TMEFF2: variants seen among roughly 807,000 people sequenced by gnomAD.
TMEFF2 encodes the protein tomoregulin-2.
TMEFF2 carries 28 observed loss-of-function variants against 53.8 expected under a neutral mutation model. The observed-to-expected ratio is 0.52, with a 90% CI of 0.39 to 0.71. The LOEUF is 0.71. Among genes scored for constraint, TMEFF2 ranks in the 30% least tolerant of loss-of-function variants. The pLI, the probability that TMEFF2 is intolerant of heterozygous loss-of-function variation, is 0.00. For synonymous variants in TMEFF2, 162 were observed against 166.3 expected, an observed-to-expected ratio of 0.97 and a Z score of 0.20; for missense variants, 353 against 455.2, an observed-to-expected ratio of 0.78 and a Z score of 2.04.
rs572697091 is a variant in TMEFF2 at position 192,120,884 on chromosome 2, C to T, written c.439+58784G>A. ...CCCGAATAGCTGGACTACAGGTGGGCGTCACCATGCCCAGCTAATTTTTGT... is the reference window on the plus strand; with the variant it reads ...CCCGAATAGCTGGACTACAGGTGGGTGTCACCATGCCCAGCTAATTTTTGT... On this transcript the variant is annotated intron_variant, in intron 4 of 9. Transcript: ENST00000272771. Among the ~76,000 whole-genome samples the T allele has an allele frequency of 3.3e-5, 5 of 152,068 alleles. No individual in the cohort carries two copies. In the East Asian group the frequency reaches 5.8e-4, roughly 18 times the overall value.
intron 7 of TMEFF2, among the ~76,000 whole-genome samples, chr2:191,990,175 A>G (rs1686069395): frequency 6.6e-6 from 1 of 152,186 alleles, no homozygotes; most frequent in Non-Finnish European, 1.5e-5. Flanking sequence ...GTGTTTTCTG[A>G]ATGAACAACT....
At chr2:192,110,091 T>C (rs1054125161) in intron 4 of TMEFF2, among the ~76,000 whole-genome samples, 1 of 152,040 alleles carries the variant, frequency 6.6e-6, no homozygotes, top group Non-Finnish European at 1.5e-5. Flanking sequence ...ATGATGAAGA[T>C]GAGCCAGCAA....
chr2:192,095,281 G>T (rs540295624), intron 4 of TMEFF2, among the ~76,000 whole-genome samples: 1 of 152,266 alleles, frequency 6.6e-6, no homozygotes, highest in South Asian at 2.1e-4. Context: ...TGGGATTACA[G>T]GTGTGAGCTG....
intron 7 of TMEFF2, among the ~76,000 whole-genome samples, chr2:191,972,500 C>T (rs963866795): frequency 6.6e-6 from 1 of 151,482 alleles, no homozygotes; most frequent in Non-Finnish European, 1.5e-5. Flanking sequence ...TGGGTAGTTT[C>T]CAGCACATCT....
At position 191,950,226 on chromosome 2, in the gene TMEFF2, A is replaced by C. The variant is rs920159958; in HGVS notation, c.*85T>G. 1 of 1,581,290 alleles carries C rather than the reference A, an allele frequency of 6.3e-7. No homozygotes were observed. Among genetic ancestry groups the C allele is most frequent in the Non-Finnish European group, 8.6e-7 (1 of 1,164,172 alleles). On this transcript the variant is annotated 3_prime_UTR_variant, in exon 10 of 10. Transcript: ENST00000272771. ...CACAAATGCAAGGCAACATGTGTAG[A>C]TCTCTTGTCTTATTCTTTTGTCTAT... is the stretch of plus-strand genomic sequence containing the variant.
chr2:192,041,938 G>A (rs114096092), intron 5 of TMEFF2, among the ~76,000 whole-genome samples: 2,439 of 152,136 alleles, frequency 0.016, 36 homozygotes, highest in African/African-American at 0.04. Flanking sequence ...GGCCAGGTGC[G>A]GTGGCTCATG....
chr2:191,953,419 A>G (rs1033872029), intron 9 of TMEFF2, among the ~76,000 whole-genome samples: 3 of 152,232 alleles, frequency 2.0e-5, no homozygotes, highest in African/African-American at 7.2e-5. Context: ...TAATCCAGGT[A>G]GATAAGGATA....
chr2:191,954,886 T>TA (rs1267452477), intron 8 of TMEFF2, among the ~76,000 whole-genome samples: 1 of 152,060 alleles, frequency 6.6e-6, no homozygotes, highest in Non-Finnish European at 1.5e-5. Flanking sequence ...AAACAATACT[T>TA]AAAGAGGATC....
chr2:191,954,201 T>C (rs996403415), intron 8 of TMEFF2, among the ~76,000 whole-genome samples: 4 of 152,176 alleles, frequency 2.6e-5, no homozygotes, highest in Non-Finnish European at 5.9e-5. Flanking sequence ...TTCATTTTTA[T>C]AGTTGATTGA....
intron 4 of TMEFF2, among the ~76,000 whole-genome samples, chr2:192,059,533 T>C (rs1165867313): frequency 6.6e-6 from 1 of 152,150 alleles, no homozygotes; most frequent in Non-Finnish European, 1.5e-5. Context: ...GATTAGCAAC[T>C]TCCAGACTAA....
Position 192,069,538 on chromosome 2 carries a change from C to A in TMEFF2, c.440-11763G>T, listed in dbSNP as rs536609381. On this transcript the variant is annotated intron_variant, in intron 4 of 9. Coordinates refer to ENST00000272771, the MANE Select transcript of TMEFF2 (RefSeq NM_016192.4). ...AAAAAAGAAAACAAACCAAAAAAAA[C>A]CCCACAAAATGGTCTAAGAAAGCTG... Among the ~76,000 whole-genome samples the A allele has an allele frequency of 9.9e-5, 15 of 151,482 alleles. No homozygotes were observed. In the East Asian group the frequency reaches 2.3e-3, roughly 24 times the overall value.
At chr2:191,987,730 T>C (rs1230240313) in intron 7 of TMEFF2, among the ~76,000 whole-genome samples, 1 of 152,180 alleles carries the variant, frequency 6.6e-6, no homozygotes, top group Non-Finnish European at 1.5e-5. Context: ...AAGTTCTGCA[T>C]CCTACTCCAA....
rs1351155453 is a variant in TMEFF2, at chr2:192,177,654, A to G, written c.439+2014T>C. 2.0e-5 allele frequency: 3 copies of G among 151,104 alleles called. No individual in the cohort carries two copies. The East Asian group carries it at 5.8e-4, about 29-fold the overall frequency. 9.4% of individuals were successfully genotyped at this position (151,104 alleles called of 1,614,324 possible). ...TTGTTTTTGTTTTCTCCAAGTTACT[A>G]TGAAGCACCTCTAACTGAAAGGAAG... On this transcript the variant is annotated intron_variant, in intron 4 of 9. Coordinates refer to ENST00000272771, the MANE Select transcript of TMEFF2 (RefSeq NM_016192.4).
chr2:192,189,884 T>C (rs144827308), intron 2 of TMEFF2, among the ~76,000 whole-genome samples: 1 of 152,294 alleles, frequency 6.6e-6, no homozygotes, highest in Non-Finnish European at 1.5e-5. Flanking sequence ...CTTGCCAGAT[T>C]GACAACTATT....
intron 4 of TMEFF2, among the ~76,000 whole-genome samples, chr2:192,065,801 C>A (rs190086721): frequency 6.6e-6 from 1 of 151,568 alleles, no homozygotes. Context: ...TGTGAGTTTA[C>A]GCTCAAATAA....
chr2:192,146,044 G>C (rs949077466), intron 4 of TMEFF2, among the ~76,000 whole-genome samples: 1 of 151,856 alleles, frequency 6.6e-6, no homozygotes, highest in Non-Finnish European at 1.5e-5. Flanking sequence ...ACTATCACAA[G>C]ACAGGCAGGA....
At chr2:191,953,184 C>T (rs1488630093) in intron 9 of TMEFF2, among the ~76,000 whole-genome samples, 3 of 152,172 alleles carry the variant, frequency 2.0e-5, no homozygotes, top group Non-Finnish European at 4.4e-5. Flanking sequence ...TAACCTGATT[C>T]TCCAGGAAAC....
chr2:192,078,025 T>A (rs190168262), intron 4 of TMEFF2, among the ~76,000 whole-genome samples: 13 of 152,242 alleles, frequency 8.5e-5, no homozygotes, highest in Admixed American at 3.3e-4. Flanking sequence ...AGTCTTTTTT[T>A]AAAAAGCAAA....
At chr2:192,115,035 G>C (rs1574385426) in intron 4 of TMEFF2, among the ~76,000 whole-genome samples, 1 of 151,926 alleles carries the variant, frequency 6.6e-6, no homozygotes, top group East Asian at 1.9e-4. Context: ...CAGATTCAAT[G>C]CAATCCCTAT....
Sources: gnomAD v4.1 joint callset for allele counts (sites outside exome capture counted in the v4.1 genomes callset) on GRCh38, gnomAD v4.1.1 for gene constraint, MANE v1.5 for transcripts, NCBI Gene and HGNC (gene_info 2026-07-23, HGNC 2026-07-21) for gene names.